PLA2G12B: variants seen among roughly 807,000 people sequenced by gnomAD.
PLA2G12B encodes group XIIB secretory phospholipase A2-like protein.
A neutral mutation model predicts 22.3 loss-of-function variants in PLA2G12B; 19 were observed. That is an observed-to-expected ratio of 0.85 (90% CI 0.60 to 1.25). PLA2G12B has a LOEUF of 1.25. Ranked by LOEUF, PLA2G12B falls within the 50% of genes most tolerant of loss-of-function variation. The pLI, the probability that PLA2G12B is intolerant of heterozygous loss-of-function variation, is 0.00. For synonymous variants in PLA2G12B, 81 were observed against 94.9 expected, an observed-to-expected ratio of 0.85 and a Z score of 0.85; for missense variants, 191 against 246.6, an observed-to-expected ratio of 0.77 and a Z score of 1.51.
At chr10:72,950,454 T>C (rs989200594) in intron 1 of PLA2G12B, among the ~76,000 whole-genome samples, 4 of 152,210 alleles carry the variant, frequency 2.6e-5, no homozygotes, top group Admixed American at 6.5e-5. Context: ...CTTTAAAAAA[T>C]AGACTGATAT....
intron 2 of PLA2G12B, among the ~76,000 whole-genome samples, chr10:72,941,567 C>G (rs1846361987): frequency 6.6e-6 from 1 of 152,044 alleles, no homozygotes; most frequent in African/African-American, 2.4e-5. Flanking sequence ...CCATTTTTCA[C>G]CTTTTGTTTT....
intron 1 of PLA2G12B, among the ~76,000 whole-genome samples, chr10:72,950,806 A>C (rs1043617684): frequency 6.6e-6 from 1 of 152,232 alleles, no homozygotes; most frequent in African/African-American, 2.4e-5. Flanking sequence ...AACTAAATCC[A>C]GGAAGAAATT....
At chr10:72,942,968 CTTT>C (rs56918622) in intron 1 of PLA2G12B, among the ~76,000 whole-genome samples, 7 of 142,614 alleles carry the variant, frequency 4.9e-5, no homozygotes, top group Admixed American at 1.4e-4. Context: ...TTCATGAGCA[CTTT>C]TTTTTTTTTT....
chr10:72,940,270 C>A (rs907034329), intron 3 of PLA2G12B, among the ~76,000 whole-genome samples: 4 of 152,068 alleles, frequency 2.6e-5, no homozygotes, highest in African/African-American at 9.7e-5. Context: ...TCAACTCTTA[C>A]CATCTAAAAA....
chr10:72,946,110 T>C (rs1409118002), intron 1 of PLA2G12B, among the ~76,000 whole-genome samples: 2 of 152,172 alleles, frequency 1.3e-5, no homozygotes, highest in Non-Finnish European at 2.9e-5. Context: ...TTTTGGAACA[T>C]TATAATCTCA....
At chr10:72,952,874 T>G (rs551457910) in intron 1 of PLA2G12B, among the ~76,000 whole-genome samples, 1 of 152,328 alleles carries the variant, frequency 6.6e-6, no homozygotes, top group South Asian at 2.1e-4. Flanking sequence ...AAAATTTGCT[T>G]AAGTCTTTTA....
In PLA2G12B at chr10:72,954,506, C is replaced by A. The variant is rs371485317; in HGVS notation, c.180G>T (p.Lys60Asn). 8.1e-6 allele frequency: 13 copies of A among 1,614,122 alleles called. No individual in the cohort carries two copies. The highest frequency in any genetic ancestry group is 3.3e-5 in the Admixed American group (2 of 60,010). Residue 60 changes from lysine (K) to asparagine (N), a missense_variant, in exon 1 of 4, where the codon AAG becomes AAT. Coordinates refer to ENST00000373032, the MANE Select transcript of PLA2G12B (RefSeq NM_032562.5). ...GGCACCTGTACTGACAGACTCCATT[C>A]TTCCCTCCCAGCAGCTCCAGAAAAG... Reference protein sequence around the residue: ...FDSFLELLGGKNGVCQYRCRY... With the variant: ...FDSFLELLGGNNGVCQYRCRY...
At chr10:72,946,046 G>A (rs1294894182) in intron 1 of PLA2G12B, among the ~76,000 whole-genome samples, 2 of 152,078 alleles carry the variant, frequency 1.3e-5, no homozygotes, top group African/African-American at 2.4e-5. Flanking sequence ...TAATGTGTAC[G>A]ATTCAATGGT....
chr10:72,945,833 A>G (rs1846432117), intron 1 of PLA2G12B, among the ~76,000 whole-genome samples: 1 of 151,972 alleles, frequency 6.6e-6, no homozygotes, highest in Admixed American at 6.6e-5. Flanking sequence ...TTTTTAGTAG[A>G]GATGGGGTTT....
At chr10:72,937,449 TG>T (rs1348793950) in intron 3 of PLA2G12B, among the ~76,000 whole-genome samples, 1 of 152,228 alleles carries the variant, frequency 6.6e-6, no homozygotes, top group Non-Finnish European at 1.5e-5. Flanking sequence ...TTGGCTTCAC[TG>T]GGGAATTTTA....
At chr10:72,944,086 C>CTTCT (rs1242765697) in intron 1 of PLA2G12B, among the ~76,000 whole-genome samples, 1 of 146,182 alleles carries the variant, frequency 6.8e-6, no homozygotes, top group Non-Finnish European at 1.5e-5. Context: ...TTCTGCTTTT[C>CTTCT]TTCTTTCTTT....
intron 3 of PLA2G12B, among the ~76,000 whole-genome samples, chr10:72,938,108 C>A (rs1589537001): frequency 7.2e-6 from 1 of 138,634 alleles, no homozygotes. Context: ...AGTGAAACTC[C>A]ATCTCAGAAA....
At chr10:72,954,122 C>T (rs1426934625) in intron 1 of PLA2G12B, among the ~76,000 whole-genome samples, 1 of 152,170 alleles carries the variant, frequency 6.6e-6, no homozygotes, top group Non-Finnish European at 1.5e-5. Flanking sequence ...CTTCCCACCC[C>T]AGGTACCCTT....
At chr10:72,950,585 ATTCTCC>A (rs1328410097) in intron 1 of PLA2G12B, among the ~76,000 whole-genome samples, 3 of 152,110 alleles carry the variant, frequency 2.0e-5, no homozygotes, top group African/African-American at 7.2e-5. Flanking sequence ...GGTTCAAGTG[ATTCTCC>A]TGCCTCAGCC....
At chr10:72,939,365 C>T (rs554828873) in intron 3 of PLA2G12B, among the ~76,000 whole-genome samples, 1 of 152,142 alleles carries the variant, frequency 6.6e-6, no homozygotes, top group South Asian at 2.1e-4. Context: ...GTAGAATCTA[C>T]GAAGGGACAT....
chr10:72,938,926 C>T (rs1254284337), intron 3 of PLA2G12B, among the ~76,000 whole-genome samples: 2 of 152,176 alleles, frequency 1.3e-5, no homozygotes, highest in South Asian at 2.1e-4. Context: ...TACTGCATAA[C>T]GACAGTAACA....
chr10:72,946,501 A>G (rs141995740), intron 1 of PLA2G12B, among the ~76,000 whole-genome samples: 1,873 of 152,310 alleles, frequency 0.012, 15 homozygotes, highest in Non-Finnish European at 0.018. Context: ...ACCCTGTTGA[A>G]CATTTTAAGG....
chr10:72,939,976 T>G (rs1016426359), intron 3 of PLA2G12B, among the ~76,000 whole-genome samples: 3 of 152,136 alleles, frequency 2.0e-5, no homozygotes, highest in Non-Finnish European at 4.4e-5. Context: ...ACCAGGCAAG[T>G]GGGATATGAA....
chr10:72,947,036 A>G (rs949675779), intron 1 of PLA2G12B, among the ~76,000 whole-genome samples: 7 of 151,502 alleles, frequency 4.6e-5, no homozygotes, highest in Non-Finnish European at 7.4e-5. Context: ...TGATCCTCCT[A>G]TCTCAGCTGT....
Sources: gnomAD v4.1 joint callset for allele counts (sites outside exome capture counted in the v4.1 genomes callset) on GRCh38, gnomAD v4.1.1 for gene constraint, MANE v1.5 for transcripts, NCBI Gene and HGNC (gene_info 2026-07-23, HGNC 2026-07-21) for gene names.